The following METTL15 variants were observed in gnomAD, a reference collection of about 807,000 sequenced individuals.
METTL15 encodes the protein 12S rRNA N(4)-cytidine methyltransferase METTL15.
In METTL15, 34 loss-of-function variants were observed where a neutral mutation model predicts 38.3. The observed-to-expected ratio is 0.89, with a 90% CI of 0.68 to 1.18. The LOEUF is 1.18. Among genes scored for constraint, METTL15 ranks in the 50% most tolerant of loss-of-function variants. The pLI is 0.00. For missense variants in METTL15, 438 were observed against 498.4 expected (o/e 0.88, Z 1.15); for synonymous variants, 162 against 170.9 (o/e 0.95, Z 0.41).
chr11:28,498,397 A>G (rs1851554034), intron 6 of METTL15, among the ~76,000 whole-genome samples: 2 of 152,052 alleles, frequency 1.3e-5, no homozygotes, highest in Admixed American at 1.3e-4. Flanking sequence ...TGACCTCGTG[A>G]TCCGCCCACC....
intron 4 of METTL15, among the ~76,000 whole-genome samples, chr11:28,221,368 G>A (rs754241291): frequency 3.6e-4 from 55 of 152,204 alleles, no homozygotes; most frequent in Non-Finnish European, 6.5e-4. Context: ...ACTGAAGCTT[G>A]TGCATTCGTT....
chr11:28,190,923 G>A (rs1365553314), intron 3 of METTL15, among the ~76,000 whole-genome samples: 2 of 151,242 alleles, frequency 1.3e-5, no homozygotes, highest in Non-Finnish European at 3.0e-5. Context: ...GTGTAAACTG[G>A]CACTAATGAG....
At chr11:28,136,308 T>C (rs1167278737) in intron 3 of METTL15, among the ~76,000 whole-genome samples, 2 of 152,186 alleles carry the variant, frequency 1.3e-5, no homozygotes, top group Non-Finnish European at 2.9e-5. Context: ...GTTCTCATAG[T>C]AGTAAGTCTC....
At chr11:28,234,241 T>C (rs754906602) in intron 4 of METTL15, among the ~76,000 whole-genome samples, 1 of 152,100 alleles carries the variant, frequency 6.6e-6, no homozygotes, top group Non-Finnish European at 1.5e-5. Flanking sequence ...TCTTTGCTAT[T>C]GTGAATAGTG....
rs1020538063 is a variant in METTL15 at position 28,297,169 on chromosome 11, A to T, written c.778+238A>T. 1.2e-4 allele frequency among the ~76,000 whole-genome samples: 19 copies of T among 152,118 alleles called. No individual in the cohort carries two copies. In the East Asian group the frequency reaches 2.1e-3, roughly 17 times the overall value. Reference sequence around the variant, plus strand: ...AACCTCTCCCCCAAATACAATTTTTAAAAAAATATACTGTAGTTTGCTAAT... The same window carrying T: ...AACCTCTCCCCCAAATACAATTTTTTAAAAAATATACTGTAGTTTGCTAAT... On this transcript the variant is annotated intron_variant, in intron 6 of 6. Transcript: ENST00000407364.
At chr11:28,434,038 A>G (rs889689299) in intron 6 of METTL15, among the ~76,000 whole-genome samples, 1 of 152,082 alleles carries the variant, frequency 6.6e-6, no homozygotes, top group Non-Finnish European at 1.5e-5. Context: ...CTGTTTCCCC[A>G]CCCAAATCTC....
chr11:28,344,629 C>A (rs926996570), intron 3 of METTL15, among the ~76,000 whole-genome samples: 5 of 152,126 alleles, frequency 3.3e-5, no homozygotes, highest in Admixed American at 6.5e-5. Flanking sequence ...TACCTGGGTG[C>A]TTCAAGCTCC....
At chr11:28,378,128 C>G (rs1850339370) in intron 5 of METTL15, among the ~76,000 whole-genome samples, 1 of 152,194 alleles carries the variant, frequency 6.6e-6, no homozygotes, top group South Asian at 2.1e-4. Flanking sequence ...TGCCCTGCCC[C>G]CAGAGGTGGA....
At chr11:28,345,591 G>T (rs957289891) in intron 3 of METTL15, among the ~76,000 whole-genome samples, 3 of 152,128 alleles carry the variant, frequency 2.0e-5, no homozygotes, top group Admixed American at 2.0e-4. Context: ...CATCACACAT[G>T]GAATAAGATG....
At chr11:28,528,366 A>T (rs1004732106), downstream of METTL15, among the ~76,000 whole-genome samples, 1 of 152,250 alleles carries the variant, frequency 6.6e-6, no homozygotes, top group African/African-American at 2.4e-5. Flanking sequence ...AGGACTGTCC[A>T]AACATAATAA....
At chr11:28,352,126 C>G (rs1850046847) in exon 4 of METTL15, 1 of 152,040 alleles carries the variant, frequency 6.6e-6, no homozygotes, top group Non-Finnish European at 1.5e-5. Flanking sequence ...TGGAGATGTC[C>G]CAAGGCCTAA....
At position 28,374,385 on chromosome 11, in the gene METTL15, C is replaced by T. The variant is rs552223060; in HGVS notation, c.*358+12349C>T. ...CTCCTTGAAGAGGTCCTTCACATCC[C>T]TTGTAAGTTGGTTTCCTAGGTATTT... is the stretch of plus-strand genomic sequence containing the variant. On this transcript the variant is annotated intron_variant and NMD_transcript_variant, in intron 5 of 7. Transcript: ENST00000532947. Among the ~76,000 whole-genome samples the T allele has an allele frequency of 1.1e-4, 17 of 152,068 alleles. No homozygotes were observed. In the South Asian group the frequency reaches 2.9e-3, roughly 26 times the overall value.
In METTL15 at chr11:28,342,883, A is replaced by G. The variant is rs1849965452; in HGVS notation, c.*190-9207A>G. On this transcript the variant is annotated intron_variant and NMD_transcript_variant, in intron 3 of 7. Coordinates refer to the METTL15 transcript ENST00000532947. The stretch of plus-strand genomic sequence containing the variant: ...GTCACATATCTTTGTCGTTAGCCCT[A>G]CTAACCAACATTTGATAATGTGCTT... Among the ~76,000 whole-genome samples the G allele has an allele frequency of 2.0e-5, 3 of 152,328 alleles. No homozygotes were observed. In the South Asian group the frequency reaches 6.2e-4, roughly 32 times the overall value.
In METTL15 at chr11:28,296,833, G is replaced by A; in HGVS notation, c.680G>A (p.Gly227Glu). ...QALASILRTY[G>E]EEKHAKKIAS... ...CTTGCATCTATCCTAAGAACATACG[G>A]GGAGGAGAAGCATGCCAAGAAAATC... The change falls in exon 6 of 7, where the codon GGG (glycine) becomes GAG (glutamate). Residue 227 changes from glycine (G) to glutamate (E), a missense_variant. Physicochemically the swap from Gly to Glu is moderately conservative, Grantham distance 98. Coordinates refer to ENST00000407364, the MANE Select transcript of METTL15 (RefSeq NM_001113528.2). 1 of 1,613,514 alleles carries A rather than the reference G, an allele frequency of 6.2e-7. No individual in the cohort carries two copies.
intron 4 of METTL15, among the ~76,000 whole-genome samples, chr11:28,233,681 G>T (rs902700410): frequency 1.3e-5 from 2 of 151,986 alleles, no homozygotes; most frequent in African/African-American, 2.4e-5. Flanking sequence ...TTAATTTGGA[G>T]TCAGTCACTC....
intron 3 of METTL15, among the ~76,000 whole-genome samples, chr11:28,346,259 T>C (rs1464298677): frequency 6.6e-6 from 1 of 152,076 alleles, no homozygotes; most frequent in Non-Finnish European, 1.5e-5. Context: ...AAGGGCACAT[T>C]GTTATGTTTT....
chr11:28,390,251 T>G (rs1850488597), intron 5 of METTL15, among the ~76,000 whole-genome samples: 1 of 150,592 alleles, frequency 6.6e-6, no homozygotes, highest in Non-Finnish European at 1.5e-5. Context: ...CATTTGTCAA[T>G]TTTGGCTTTT....
intron 3 of METTL15, among the ~76,000 whole-genome samples, chr11:28,158,840 G>A (rs1850352429): frequency 6.6e-6 from 1 of 152,154 alleles, no homozygotes; most frequent in African/African-American, 2.4e-5. Flanking sequence ...GCCTTTTGAA[G>A]TCACAATTAC....
intron 4 of METTL15, among the ~76,000 whole-genome samples, chr11:28,260,449 A>G (rs960145633): frequency 6.6e-6 from 1 of 152,116 alleles, no homozygotes; most frequent in African/African-American, 2.4e-5. Context: ...ATGTCTTTCA[A>G]TACTTATTAC....
Sources: allele counts gnomAD v4.1 joint callset (sites outside exome capture counted in the v4.1 genomes callset), GRCh38; gene constraint gnomAD v4.1.1; transcripts MANE v1.5; gene names NCBI Gene and HGNC (gene_info 2026-07-23, HGNC 2026-07-21).